OSBP2: variants seen among roughly 807,000 people sequenced by gnomAD.
OSBP2 encodes oxysterol-binding protein 2.
In OSBP2, 66 loss-of-function variants were observed where a neutral mutation model predicts 96.0. That is an observed-to-expected ratio of 0.69 (90% CI 0.56 to 0.84). OSBP2 has a LOEUF of 0.84. Ranked by LOEUF, OSBP2 falls within the 40% of genes least tolerant of loss-of-function variation. OSBP2 has a pLI of 0.00. For missense variants in OSBP2, 1,038 were observed against 1,222.7 expected (o/e 0.85, Z 2.25); for synonymous variants, 525 against 520.9 (o/e 1.01, Z -0.11).
At chr22:30,811,323 T>TTTTA (rs201749381) in intron 2 of OSBP2, among the ~76,000 whole-genome samples, 1 of 117,860 alleles carries the variant, frequency 8.5e-6, no homozygotes, top group Non-Finnish European at 1.7e-5. Context: ...TTTTTTTTAT[T>TTTTA]TTTATTTATT....
chr22:30,852,102 A>G (rs1014090100), intron 2 of OSBP2, among the ~76,000 whole-genome samples: 1 of 152,134 alleles, frequency 6.6e-6, no homozygotes, highest in South Asian at 2.1e-4. Flanking sequence ...ATCCATAGTC[A>G]TAAGGGTTTA....
At chr22:30,873,989 C>T (rs1404579496) in intron 3 of OSBP2, among the ~76,000 whole-genome samples, 1 of 152,232 alleles carries the variant, frequency 6.6e-6, no homozygotes, top group African/African-American at 2.4e-5. Flanking sequence ...GTAATCCCAA[C>T]ACTCTGGGAG....
intron 2 of OSBP2, 93 bp downstream of exon 2, chr22:30,741,462 C>A: frequency 9.8e-7 from 1 of 1,021,048 alleles, no homozygotes; most frequent in Non-Finnish European, 1.4e-6. Context: ...CAGTGGTGGC[C>A]AGGAGACCCA....
At chr22:30,903,164 T>C (rs1164679278) in intron 12 of OSBP2, among the ~76,000 whole-genome samples, 1 of 152,180 alleles carries the variant, frequency 6.6e-6, no homozygotes, top group East Asian at 1.9e-4. Context: ...CTTTTTACTT[T>C]AGACATTGGC....
At chr22:30,701,374 C>T (rs141396296) in intron 1 of OSBP2, among the ~76,000 whole-genome samples, 72 of 134,318 alleles carry the variant, frequency 5.4e-4, no homozygotes, top group African/African-American at 1.8e-3. Context: ...GACAGAGTCT[C>T]GCTCTGTAGC....
intron 1 of OSBP2, among the ~76,000 whole-genome samples, chr22:30,730,716 GTCTCTCTCTCTCTCTCTCTCTCTCTCTC>G (rs1191165719): frequency 1.5e-3 from 30 of 19,964 alleles, no homozygotes; most frequent in South Asian, 0.015. Flanking sequence ...TCGCTGCCCT[GTCTCTCTCTCTCTCTCTCTCTCTCTCTC>G]TCTCTCTCTC....
At chr22:30,808,565 TG>T (rs1275854501) in intron 2 of OSBP2, among the ~76,000 whole-genome samples, 1 of 152,092 alleles carries the variant, frequency 6.6e-6, no homozygotes, top group African/African-American at 2.4e-5. Context: ...AACATGACTT[TG>T]TTTGGAAATA....
intron 1 of OSBP2, among the ~76,000 whole-genome samples, chr22:30,733,922 C>T (rs570784403): frequency 1.3e-5 from 2 of 152,232 alleles, no homozygotes; most frequent in East Asian, 3.9e-4. Flanking sequence ...TGTTCTAAAT[C>T]AGATATCAAA....
At chr22:30,751,675 G>GT (rs1425659136) in intron 2 of OSBP2, among the ~76,000 whole-genome samples, 2 of 152,136 alleles carry the variant, frequency 1.3e-5, no homozygotes, top group African/African-American at 4.8e-5. Flanking sequence ...ATTTTACAGA[G>GT]TTTGACTCTT....
At chr22:30,873,546 T>C (rs1282040895) in intron 3 of OSBP2, among the ~76,000 whole-genome samples, 1 of 152,150 alleles carries the variant, frequency 6.6e-6, no homozygotes, top group Non-Finnish European at 1.5e-5. Context: ...GATCTCACAG[T>C]GAGAGGGAGC....
At chr22:30,701,437 A>G (rs13058171) in intron 1 of OSBP2, among the ~76,000 whole-genome samples, 13,149 of 142,702 alleles carry the variant, frequency 0.092, 623 homozygotes, top group Middle Eastern at 0.14. Flanking sequence ...TCCGCCTCCC[A>G]GGTTCATGCT....
intron 1 of OSBP2, among the ~76,000 whole-genome samples, chr22:30,710,175 G>A (rs1203488653): frequency 6.6e-6 from 1 of 152,004 alleles, no homozygotes. Context: ...GTGAGCCACC[G>A]TGCCCCGCCT....
intron 2 of OSBP2, among the ~76,000 whole-genome samples, chr22:30,769,171 A>G (rs931500535): frequency 6.6e-6 from 1 of 152,242 alleles, no homozygotes; most frequent in African/African-American, 2.4e-5. Flanking sequence ...GCCTGGTGGT[A>G]TGAACAAGTA....
intron 2 of OSBP2, among the ~76,000 whole-genome samples, chr22:30,797,969 CATA>C (rs1427406876): frequency 6.6e-6 from 1 of 152,172 alleles, no homozygotes; most frequent in African/African-American, 2.4e-5. Flanking sequence ...ATTGCTGGGT[CATA>C]ATAATAATCC....
chr22:30,861,814 T>C (rs903313721), intron 2 of OSBP2, among the ~76,000 whole-genome samples: 14 of 152,170 alleles, frequency 9.2e-5, no homozygotes, highest in African/African-American at 3.4e-4. Flanking sequence ...CTGCTCCTGC[T>C]CCCAGGGGCC....
chr22:30,786,430 A>G (rs1486165672), intron 2 of OSBP2, among the ~76,000 whole-genome samples: 3 of 152,078 alleles, frequency 2.0e-5, no homozygotes, highest in South Asian at 2.1e-4. Flanking sequence ...ACAAAAATCA[A>G]TGACACCTGC....
chr22:30,696,303 T>C (rs971743533), intron 1 of OSBP2, among the ~76,000 whole-genome samples: 2 of 152,180 alleles, frequency 1.3e-5, no homozygotes, highest in African/African-American at 4.8e-5. Flanking sequence ...TGGGTCTGCT[T>C]CCTGGGGATG....
In OSBP2 at chr22:30,714,410, GT is replaced by G. The variant is rs144676068; in HGVS notation, c.644+18867del. Among the ~76,000 whole-genome samples, 991 of 145,836 alleles carry G rather than the reference GT, an allele frequency of 6.8e-3. 12 individuals carry two copies. Among genetic ancestry groups the G allele is most frequent in the African/African-American group, 0.023 (924 of 40,120 alleles). On this transcript the variant is annotated intron_variant, in intron 1 of 13. Coordinates refer to ENST00000332585, the MANE Select transcript of OSBP2 (RefSeq NM_030758.4). ...TCAACACACTGATTTTTTTTCTTGT[GT>G]TTTTTTTTTGTTGTAGTAAAAAACA...
At chr22:30,854,065 C>A (rs886590767) in intron 2 of OSBP2, among the ~76,000 whole-genome samples, 47 of 151,934 alleles carry the variant, frequency 3.1e-4, no homozygotes, top group Non-Finnish European at 5.4e-4. Flanking sequence ...GGCCTCACCT[C>A]TCTTTTCTTA....
Sources: allele counts gnomAD v4.1 joint callset (sites outside exome capture counted in the v4.1 genomes callset), GRCh38; gene constraint gnomAD v4.1.1; transcripts MANE v1.5; gene names NCBI Gene and HGNC (gene_info 2026-07-23, HGNC 2026-07-21).